Variants in BEND3 observed in about 807,000 individuals in gnomAD.
BEND3 encodes BEN domain-containing protein 3.
A neutral mutation model predicts 60.1 loss-of-function variants in BEND3; 13 were observed. The observed-to-expected ratio is 0.22, with a 90% CI of 0.14 to 0.34. The LOEUF (loss-of-function observed/expected upper bound fraction) is 0.34. BEND3 is among the 10% of genes least tolerant of loss of function. BEND3 has a pLI of 1.00. For synonymous variants in BEND3, 497 were observed against 491.5 expected (o/e 1.01, Z -0.15); for missense variants, 896 against 1,138.1 (o/e 0.79, Z 3.06).
At chr6:107,082,435 AT>A (rs1268457270) in intron 3 of BEND3, among the ~76,000 whole-genome samples, 7 of 151,928 alleles carry the variant, frequency 4.6e-5, no homozygotes, top group African/African-American at 1.5e-4. Context: ...GTTGCTTTTT[AT>A]TTTTTTTGAT....
At position 107,097,374 on chromosome 6, in the gene BEND3, GA is replaced by G. The variant is rs111266081; in HGVS notation, c.240+1176del. 5.2e-3 allele frequency among the ~76,000 whole-genome samples: 593 copies of G among 113,490 alleles called. 2 individuals carry two copies. Among genetic ancestry groups the G allele is most frequent in the African/African-American group, 0.017 (509 of 30,502 alleles). The allele number at this position is 113,490 out of a possible 152,430, so 74.5% of individuals were successfully genotyped here. On this transcript the variant is annotated intron_variant, in intron 3 of 3. Coordinates refer to ENST00000369042, the MANE Select transcript of BEND3 (RefSeq NM_001367314.1). ...AAGAGTGAAACTCTGTCTCAAAGATGAAAAAAAAAAAATTAAAGCCCAAATA... is the reference window on the plus strand; with the variant it reads ...AAGAGTGAAACTCTGTCTCAAAGATGAAAAAAAAAAATTAAAGCCCAAATA...
chr6:107,066,485 C>T lies in BEND3; in HGVS notation c.*2219G>A, dbSNP rs1774832058. 1 of 152,602 alleles carries T rather than the reference C, an allele frequency of 6.6e-6. No individual in the cohort carries two copies. The highest frequency in any genetic ancestry group is 6.5e-5 in the Admixed American group (1 of 15,268). The allele number at this position is 152,602 out of a possible 1,614,324, so 9.5% of individuals were successfully genotyped here. ...ACGGTTTCCAAAAATTGAACATGCT[C>T]TGGGTTACAAAGAGACATATTTAAT... On this transcript the variant is annotated 3_prime_UTR_variant, in exon 4 of 4. Coordinates refer to ENST00000369042, the MANE Select transcript of BEND3 (RefSeq NM_001367314.1).
At chr6:107,112,360 G>A (rs1272128789) in intron 1 of BEND3, among the ~76,000 whole-genome samples, 2 of 152,154 alleles carry the variant, frequency 1.3e-5, no homozygotes, top group Non-Finnish European at 1.5e-5. Context: ...AGCCAAGAAA[G>A]AACCCACAGG....
rs782320424 is a variant in BEND3, at chr6:107,070,204, C to T, written c.987G>A (p.Leu329=). 1.9e-6 allele frequency: 3 copies of T among 1,612,604 alleles called. No homozygotes were observed. Among genetic ancestry groups the T allele is most frequent in the Non-Finnish European group, 2.5e-6 (3 of 1,179,884 alleles). ...KDTAVWQAEC[L]PQLNDFFSRF... ...GGCTGAAGAAGTCGTTCAGCTGGGG[C>T]AGGCACTCGGCCTGCCACACAGCCG... The change falls in exon 4 of 4, where the codon CTG becomes CTA. Residue 329 remains leucine (L), a synonymous_variant. Coordinates refer to ENST00000369042, the MANE Select transcript of BEND3 (RefSeq NM_001367314.1). This position sits in a 1 kb window ranked among gnomAD's most constrained non-coding sequence, Gnocchi z 6.9.
At chr6:107,110,996 T>A (rs932547169) in intron 1 of BEND3, among the ~76,000 whole-genome samples, 3 of 151,228 alleles carry the variant, frequency 2.0e-5, no homozygotes, top group Non-Finnish European at 4.4e-5. Context: ...AAACCCCGTA[T>A]CTACTAAAAA....
intron 3 of BEND3, among the ~76,000 whole-genome samples, chr6:107,097,322 G>A (rs1265750449): frequency 2.6e-5 from 4 of 151,366 alleles, no homozygotes; most frequent in Admixed American, 6.6e-5. Flanking sequence ...AGCCAAGATC[G>A]CGCCATTGCA....
chr6:107,105,281 G>GA (rs1461658870), intron 1 of BEND3, among the ~76,000 whole-genome samples: 1 of 151,146 alleles, frequency 6.6e-6, no homozygotes, highest in Non-Finnish European at 1.5e-5. Context: ...TGAGGCAGGA[G>GA]AATCGCTTGA....
rs1489662269 is a variant in BEND3 at position 107,108,994 on chromosome 6, TG to T, written c.-12+6095del. Among the ~76,000 whole-genome samples the T allele has an allele frequency of 3.3e-5, 5 of 152,144 alleles. 1 individual carries two copies. In the East Asian group the frequency reaches 7.8e-4, roughly 24 times the overall value. ...TAATTTTTGTATTTTTCACTAGAGA[TG>T]GGGTTTGGCCATGTTGGCCAGGCTG... On this transcript the variant is annotated intron_variant, in intron 1 of 3. Transcript: ENST00000369042.
chr6:107,084,775 T>TC (rs1467381342), intron 3 of BEND3, among the ~76,000 whole-genome samples: 1 of 152,146 alleles, frequency 6.6e-6, no homozygotes, highest in Non-Finnish European at 1.5e-5. Context: ...AACGTACCAA[T>TC]CAGTGCTCTG....
At chr6:107,077,617 G>A (rs1775127290) in intron 3 of BEND3, among the ~76,000 whole-genome samples, 1 of 152,156 alleles carries the variant, frequency 6.6e-6, no homozygotes, top group Admixed American at 6.5e-5. Flanking sequence ...GGGAAAAGAG[G>A]AAGAACAGAA....
intron 3 of BEND3, among the ~76,000 whole-genome samples, chr6:107,081,473 C>T (rs868972691): frequency 6.8e-6 from 1 of 147,220 alleles, no homozygotes; most frequent in Non-Finnish European, 1.5e-5. Context: ...CCACCCGCCT[C>T]GGCCTCCCAA....
At chr6:107,102,730 C>T (rs1315363244) in intron 1 of BEND3, among the ~76,000 whole-genome samples, 15 of 152,224 alleles carry the variant, frequency 9.9e-5, no homozygotes. Context: ...AAACCTCGCG[C>T]CTGCCCCTGG....
intron 3 of BEND3, among the ~76,000 whole-genome samples, chr6:107,095,082 CA>C (rs1158336099): frequency 6.6e-6 from 1 of 152,070 alleles, no homozygotes; most frequent in African/African-American, 2.4e-5. Flanking sequence ...CTCAGCCTCC[CA>C]AGATGCAAGG....
In BEND3 at chr6:107,070,425, T is replaced by C. The variant is rs1774949059; in HGVS notation, c.766A>G (p.Ile256Val). Reference protein sequence around the residue: ...YQLTAAELKQIVDQSLSGGDL... With the variant: ...YQLTAAELKQVVDQSLSGGDL... ...CCCCCTGACAGGCTCTGGTCCACGA[T>C]CTGCTTGAGCTCTGCGGCTGTGAGC... Residue 256 changes from isoleucine (I) to valine (V), a missense_variant, in exon 4 of 4, where the codon ATC becomes GTC. Around this residue, in one of 4 missense-constraint regions of BEND3, gnomAD observed 846 missense variants for 1,036.7 expected, o/e 0.82. Transcript: ENST00000369042. This position sits in a 1 kb window ranked among gnomAD's most constrained non-coding sequence, Gnocchi z 6.9. 2 of 1,613,940 alleles carry C rather than the reference T, an allele frequency of 1.2e-6. No homozygotes were observed. Among genetic ancestry groups the C allele is most frequent in the South Asian group, 2.2e-5 (2 of 91,084 alleles).
At chr6:107,075,142 C>T (rs562043689) in intron 3 of BEND3, among the ~76,000 whole-genome samples, 136 of 151,278 alleles carry the variant, frequency 9.0e-4, no homozygotes, top group Non-Finnish European at 1.7e-3. Context: ...GGGAGGATCA[C>T]TTGAGTCTTG....
intron 3 of BEND3, 56 bp from the exon 4 acceptor site, chr6:107,071,006 CT>C (rs2114995692): frequency 1.3e-6 from 2 of 1,508,192 alleles, no homozygotes; most frequent in South Asian, 2.6e-5. Context: ...GTTTATGACA[CT>C]AAACAAGGGT....
intron 1 of BEND3, among the ~76,000 whole-genome samples, chr6:107,112,122 G>A (rs1770115947): frequency 6.6e-6 from 1 of 152,142 alleles, no homozygotes; most frequent in South Asian, 2.1e-4. Flanking sequence ...ACAATTTGAG[G>A]TCTTTAAACT....
rs542505167 is a variant in BEND3 at position 107,083,830 on chromosome 6, T to G, written c.241-12880A>C. 3.9e-5 allele frequency among the ~76,000 whole-genome samples: 6 copies of G among 152,352 alleles called. No homozygotes were observed. The South Asian group carries it at 6.2e-4, about 16-fold the overall frequency. Reference sequence around the variant, plus strand: ...GAGGCTGGGCTCCATGGCTCACGCCTGTAATCCCAACACTCTGGGAGGCCG... The same window carrying G: ...GAGGCTGGGCTCCATGGCTCACGCCGGTAATCCCAACACTCTGGGAGGCCG... On this transcript the variant is annotated intron_variant, in intron 3 of 3. Coordinates refer to ENST00000369042, the MANE Select transcript of BEND3 (RefSeq NM_001367314.1).
At chr6:107,071,700 C>T (rs782472718) in intron 3 of BEND3, among the ~76,000 whole-genome samples, 10 of 152,142 alleles carry the variant, frequency 6.6e-5, no homozygotes, top group Non-Finnish European at 1.5e-4. Context: ...TATTACTCAG[C>T]AATAAGATAT....
Sources: gnomAD v4.1 joint callset for allele counts (sites outside exome capture counted in the v4.1 genomes callset) on GRCh38, gnomAD v4.1.1 for gene constraint, gnomAD v4.1.1 regional missense constraint, Gnocchi (gnomAD v3.1) non-coding constraint, MANE v1.5 for transcripts, NCBI Gene and HGNC (gene_info 2026-07-23, HGNC 2026-07-21) for gene names.